DGKZ: variants seen among roughly 807,000 people sequenced by gnomAD.
DGKZ encodes DAG kinase zeta.
In DGKZ, 45 loss-of-function variants were observed where a neutral mutation model predicts 142.5. That is an observed-to-expected ratio of 0.32 (90% CI 0.25 to 0.40). The LOEUF is 0.40. Among genes scored for constraint, DGKZ ranks in the 10% least tolerant of loss-of-function variants. The pLI is 1.00. For missense variants in DGKZ, 755 were observed against 1,306.5 expected (o/e 0.58, Z 6.51); for synonymous variants, 442 against 527.0 (o/e 0.84, Z 2.21).
upstream of DGKZ, among the ~76,000 whole-genome samples, chr11:46,342,894 C>T (rs971160460): frequency 3.3e-5 from 5 of 152,108 alleles, no homozygotes; most frequent in Non-Finnish European, 7.4e-5. Flanking sequence ...GAGGCCAAGG[C>T]GGGCAGATCA....
chr11:46,334,443 G>A lies in DGKZ; in HGVS notation c.212+956G>A, dbSNP rs149840772. Among the ~76,000 whole-genome samples the A allele has an allele frequency of 5.6e-3, 855 of 152,320 alleles. 7 individuals carry two copies. Among genetic ancestry groups the A allele is most frequent in the Middle Eastern group, 0.014 (4 of 294 alleles). ...TCCACTTACAACCATGGGGTGTTTG[G>A]GATATGTCTGAGGCTGCCCTGGTTC... On this transcript the variant is annotated intron_variant, in intron 1 of 30. Coordinates refer to the DGKZ transcript ENST00000343674.
Position 46,374,859 on chromosome 11 carries a change from A to C in DGKZ, c.1598+20A>C, listed in dbSNP as rs1944360963. On this transcript the variant is annotated intron_variant, in intron 18 of 30. Transcript: ENST00000527911. ...CCCCAGGTGAGGAGGGGGCTACCGG[A>C]GCTGGGGGGAGCCCTGCTGTCCTTG... 1.3e-6 allele frequency: 2 copies of C among 1,583,402 alleles called. No individual in the cohort carries two copies. The highest frequency in any genetic ancestry group is 1.7e-5 in the Admixed American group (1 of 57,716).
At chr11:46,358,644 G>A (rs775859285) in intron 1 of DGKZ, among the ~76,000 whole-genome samples, 4 of 152,106 alleles carry the variant, frequency 2.6e-5, no homozygotes, top group Non-Finnish European at 2.9e-5. Context: ...ACCAGCTTGG[G>A]CAACATAGTG....
chr11:46,370,703 G>A (rs187164197), intron 6 of DGKZ, among the ~76,000 whole-genome samples: 63 of 152,340 alleles, frequency 4.1e-4, no homozygotes, highest in Non-Finnish European at 7.1e-4. Context: ...ATGTGGTGCC[G>A]TGCAGGTAAC....
At chr11:46,365,318 C>A (rs1336572145) in intron 1 of DGKZ, 2 of 985,272 alleles carry the variant, frequency 2.0e-6, no homozygotes, top group Non-Finnish European at 2.4e-6. Flanking sequence ...AGAAGGGTTT[C>A]CCGGCATCAC....
At chr11:46,375,396 C>G in intron 19 of DGKZ, 36 bp from the exon 20 acceptor site, 19 of 1,540,524 alleles carry the variant, frequency 1.2e-5, no homozygotes, top group Non-Finnish European at 1.7e-5. Flanking sequence ...GCCCCCAGCC[C>G]TGGTGCCATC....
intron 21 of DGKZ, 38 bp from the exon 22 acceptor site, chr11:46,376,028 G>T: frequency 6.2e-7 from 1 of 1,611,978 alleles, no homozygotes; most frequent in East Asian, 2.2e-5. Flanking sequence ...CAGGGCTGTG[G>T]GGTGCAGCCA....
intron 1 of DGKZ, chr11:46,366,398 C>A: frequency 6.6e-7 from 1 of 1,525,022 alleles, no homozygotes; most frequent in Non-Finnish European, 8.8e-7. Context: ...CTCACTGGCA[C>A]AGCGGCGCCG....
intron 1 of DGKZ, chr11:46,364,993 G>A (rs1370935426): frequency 2.0e-5 from 20 of 985,362 alleles, no homozygotes; most frequent in Non-Finnish European, 2.4e-5. Context: ...GTACCTGGAG[G>A]CATCGCCAGC....
intron 1 of DGKZ, among the ~76,000 whole-genome samples, chr11:46,339,786 T>C (rs1940186934): frequency 6.6e-6 from 1 of 152,236 alleles, no homozygotes; most frequent in African/African-American, 2.4e-5. Context: ...GAGTGGAGTC[T>C]CATTTTTGCC....
Position 46,347,488 on chromosome 11 carries a change from G to C in DGKZ, c.-172G>C, listed in dbSNP as rs867569527. Reference sequence around the variant, plus strand: ...GGCACTTCCTGGAGCGGCGGCGGCAGCGGCTTCCCGGGCACCTGGGCGTGG... The same window carrying C: ...GGCACTTCCTGGAGCGGCGGCGGCACCGGCTTCCCGGGCACCTGGGCGTGG... On this transcript the variant is annotated 5_prime_UTR_variant, in exon 1 of 31. Transcript: ENST00000527911. This position sits in a 1 kb window ranked among gnomAD's most constrained non-coding sequence, Gnocchi z 6.4. The C allele has an allele frequency of 4.8e-5, 47 of 982,010 alleles. No homozygotes were observed. In the Middle Eastern group the frequency reaches 2.1e-3, roughly 44 times the overall value. 60.8% of individuals were successfully genotyped at this position (982,010 alleles called of 1,614,324 possible). A position where few individuals can be genotyped will look rare whatever the true frequency, so the allele number is the denominator to read the frequency against.
At chr11:46,345,201 C>A, upstream of DGKZ, 1 of 1,247,882 alleles carries the variant, frequency 8.0e-7, no homozygotes, top group Non-Finnish European at 1.0e-6. The surrounding 1 kb of genome is among the most constrained non-coding windows in gnomAD (Gnocchi z 4.1). Flanking sequence ...CCCATGGCTG[C>A]CTCCTGGCTG....
At chr11:46,365,236 G>T in intron 1 of DGKZ, 1 of 985,438 alleles carries the variant, frequency 1.0e-6, no homozygotes, top group Non-Finnish European at 1.2e-6. Context: ...GTTTGGAATT[G>T]TGAGTATGGG....
At chr11:46,345,070 T>C (rs1341519320), upstream of DGKZ, among the ~76,000 whole-genome samples, 1 of 152,166 alleles carries the variant, frequency 6.6e-6, no homozygotes, top group East Asian at 1.9e-4. The surrounding 1 kb of genome is among the most constrained non-coding windows in gnomAD (Gnocchi z 4.1). Context: ...ACCCAGCCAT[T>C]GTACCTGGTG....
exon 1 of DGKZ, chr11:46,333,397 C>A: frequency 6.7e-7 from 1 of 1,495,578 alleles, no homozygotes; most frequent in Non-Finnish European, 8.9e-7. Flanking sequence ...GTCGCGCAGC[C>A]CTGGCCCGAG....
chr11:46,370,470 T>C (rs1943820821), intron 6 of DGKZ, among the ~76,000 whole-genome samples: 1 of 152,224 alleles, frequency 6.6e-6, no homozygotes, highest in Non-Finnish European at 1.5e-5. Context: ...GTGCAGGCTC[T>C]CAAAGATGGA....
chr11:46,375,696 T>C, intron 20 of DGKZ, 65 bp downstream of exon 20: 4 of 1,516,180 alleles, frequency 2.6e-6, no homozygotes, highest in Non-Finnish European at 3.5e-6. Context: ...TGGGCCTTGA[T>C]TTCCCCATCT....
chr11:46,363,978 T>C (rs1160362786), intron 1 of DGKZ, among the ~76,000 whole-genome samples: 1 of 152,166 alleles, frequency 6.6e-6, no homozygotes, highest in Non-Finnish European at 1.5e-5. Flanking sequence ...TTTCCCCATC[T>C]CTAGAATGGA....
intron 9 of DGKZ, 89 bp downstream of exon 9, chr11:46,371,864 T>C: frequency 6.8e-7 from 1 of 1,462,008 alleles, no homozygotes; most frequent in Non-Finnish European, 9.4e-7. Flanking sequence ...CAGCTAATGC[T>C]GCCAGCTGGT....
Sources: allele counts gnomAD v4.1 joint callset (sites outside exome capture counted in the v4.1 genomes callset), GRCh38; gene constraint gnomAD v4.1.1; non-coding constraint Gnocchi (gnomAD v3.1); transcripts MANE v1.5; gene names NCBI Gene and HGNC (gene_info 2026-07-23, HGNC 2026-07-21).